Variants in SPACA1 observed in about 807,000 individuals in gnomAD.
SPACA1 encodes the protein sperm acrosome membrane-associated protein 1.
In SPACA1, 17 loss-of-function variants were observed where a neutral mutation model predicts 32.6. The observed-to-expected ratio is 0.52, with a 90% CI of 0.36 to 0.78. SPACA1 has a LOEUF of 0.78. SPACA1 is among the 30% of genes least tolerant of loss of function. The probability of loss-of-function intolerance (pLI) is 0.01; values close to 1 mark genes in which losing one functional copy is unlikely to be tolerated. For synonymous variants in SPACA1, 140 were observed against 138.1 expected, an observed-to-expected ratio of 1.01 and a Z score of -0.10; for missense variants, 363 against 373.4, an observed-to-expected ratio of 0.97 and a Z score of 0.23.
rs141170883 is a variant in SPACA1 at position 88,058,736 on chromosome 6, A to G, written c.388A>G (p.Ser130Gly). Residue 130 changes from serine (S) to glycine (G), a missense_variant, in exon 4 of 7, where the codon AGT (serine) becomes GGT (glycine). Transcript: ENST00000237201. ...DCGWGKPISESLESVRLACIH... is the reference protein window; with the variant it reads ...DCGWGKPISEGLESVRLACIH... ...TTCAGGGGGTAAACCAATTTCAGAA[A>G]GTCTTGAAAGTGTTAGATTGGCATG... is the stretch of plus-strand genomic sequence containing the variant. 3.7e-6 allele frequency: 6 copies of G among 1,612,966 alleles called. No individual in the cohort carries two copies. Among genetic ancestry groups the G allele is most frequent in the Non-Finnish European group, 4.2e-6 (5 of 1,179,556 alleles).
intron 2 of SPACA1, 25 bp downstream of exon 2, chr6:88,054,027 A>G: frequency 6.2e-7 from 1 of 1,610,628 alleles, no homozygotes. Context: ...GCAGATGAAT[A>G]AACCATGTTG....
Position 88,059,470 on chromosome 6 carries a change from A to G in SPACA1, c.492A>G (p.Val164=). 6.2e-7 allele frequency: 1 copy of G among 1,611,436 alleles called. No homozygotes were observed. The highest frequency in any genetic ancestry group is 8.5e-7 in the Non-Finnish European group (1 of 1,178,810). ...TTAAATAGCAATCCATTATACTTGT[A>G]AATGATTCAGCAATCCTAGAAGTAC... The part of the protein sequence containing the change: ...LRQDQQSIIL[V]NDSAILEVRK... The change falls in exon 5 of 7, where the codon GTA becomes GTG. Residue 164 remains valine (V), a synonymous_variant. Transcript: ENST00000237201.
intron 6 of SPACA1, among the ~76,000 whole-genome samples, chr6:88,065,386 G>A (rs1037520980): frequency 6.8e-6 from 1 of 146,640 alleles, no homozygotes; most frequent in Non-Finnish European, 1.5e-5. Context: ...TATACATATA[G>A]TACATATGAC....
chr6:88,061,724 G>A (rs1280123487), intron 5 of SPACA1, among the ~76,000 whole-genome samples: 1 of 131,164 alleles, frequency 7.6e-6, no homozygotes, highest in African/African-American at 2.8e-5. Flanking sequence ...CATTTCTGTT[G>A]TTTTCGTCAC....
At chr6:88,055,573 T>C (rs1266169721) in intron 2 of SPACA1, among the ~76,000 whole-genome samples, 1 of 152,252 alleles carries the variant, frequency 6.6e-6, no homozygotes, top group Non-Finnish European at 1.5e-5. Flanking sequence ...AAAGTTTTCT[T>C]TTATATCCAG....
intron 3 of SPACA1, 77 bp from the exon 4 acceptor site, chr6:88,058,639 A>T: frequency 1.0e-6 from 1 of 993,878 alleles, no homozygotes; most frequent in Non-Finnish European, 1.5e-6. Context: ...ATCCTGTCTC[A>T]GGAAAAAAAA....
At position 88,054,018 on chromosome 6, in the gene SPACA1, C is replaced by T; in HGVS notation, c.265+16C>T. 1 of 1,611,434 alleles carries T rather than the reference C, an allele frequency of 6.2e-7. No homozygotes were observed. Among genetic ancestry groups the T allele is most frequent in the Admixed American group, 1.7e-5 (1 of 59,938 alleles). On this transcript the variant is annotated intron_variant, in intron 2 of 6. Coordinates refer to ENST00000237201, the MANE Select transcript of SPACA1 (RefSeq NM_030960.3). ...GTTACATGTGGTAAGTAGCTTGGAG[C>T]AGATGAATAAACCATGTTGTAATTT...
rs1431706632 is a variant in SPACA1, at chr6:88,047,862, CGCG to C, written c.-37_-35del. 6.7e-7 allele frequency: 1 copy of C among 1,482,034 alleles called. No individual in the cohort carries two copies. Among genetic ancestry groups the C allele is most frequent in the Admixed American group, 2.3e-5 (1 of 43,496 alleles). The allele number at this position is 1,482,034 out of a possible 1,614,324, so 91.8% of individuals were successfully genotyped here. ...CTTCGACGTACCTGTCCTCAGGAGCCGCGGCGGCGACTGCGCCTCGGACGGCCG... is the reference window on the plus strand; with the variant it reads ...CTTCGACGTACCTGTCCTCAGGAGCCGCGGCGACTGCGCCTCGGACGGCCG... On this transcript the variant is annotated 5_prime_UTR_variant, in exon 1 of 7. Coordinates refer to ENST00000237201, the MANE Select transcript of SPACA1 (RefSeq NM_030960.3).
chr6:88,058,597 C>A, intron 3 of SPACA1, 119 bp from the exon 4 acceptor site: 1 of 646,598 alleles, frequency 1.5e-6, no homozygotes, highest in Non-Finnish European at 2.6e-6. Flanking sequence ...CAAGATCATG[C>A]CACTCTACTC....
At chr6:88,063,663 T>C (rs1425724535) in intron 5 of SPACA1, among the ~76,000 whole-genome samples, 1 of 152,174 alleles carries the variant, frequency 6.6e-6, no homozygotes, top group Non-Finnish European at 1.5e-5. Flanking sequence ...ACTAAGCAAA[T>C]GTACATTTAA....
intron 5 of SPACA1, among the ~76,000 whole-genome samples, chr6:88,060,217 A>G (rs947419757): frequency 1.3e-5 from 2 of 152,208 alleles, no homozygotes; most frequent in African/African-American, 4.8e-5. Context: ...ATTCAGTTTA[A>G]TCTATGATGG....
chr6:88,057,761 C>G (rs1364599004), intron 3 of SPACA1, 48 bp downstream of exon 3: 1 of 1,531,818 alleles, frequency 6.5e-7, no homozygotes, highest in Admixed American at 1.7e-5. Context: ...AGAGTTTACT[C>G]TGGGGAAATA....
At chr6:88,059,778 C>T (rs1236941878) in intron 5 of SPACA1, among the ~76,000 whole-genome samples, 190 bp downstream of exon 5, 1 of 152,212 alleles carries the variant, frequency 6.6e-6, no homozygotes, top group Non-Finnish European at 1.5e-5. Context: ...GGTCCAGAGA[C>T]CACACTTTGA....
intron 4 of SPACA1, among the ~76,000 whole-genome samples, chr6:88,059,235 CAAGT>C (rs1775854776): frequency 5.3e-5 from 8 of 152,162 alleles, no homozygotes. Context: ...CCCATTTTTA[CAAGT>C]AAGTAACTAA....
intron 6 of SPACA1, 188 bp downstream of exon 6, chr6:88,064,407 T>A (rs1393219240): frequency 7.8e-6 from 3 of 384,898 alleles, no homozygotes; most frequent in Non-Finnish European, 1.4e-5. Flanking sequence ...AGATGCTTTT[T>A]AAAACAATCT....
chr6:88,060,533 T>G (rs981637827), intron 5 of SPACA1, among the ~76,000 whole-genome samples: 10 of 152,238 alleles, frequency 6.6e-5, no homozygotes, highest in African/African-American at 2.2e-4. Flanking sequence ...TAAAATATTT[T>G]AGGGTGATTT....
chr6:88,047,911 C>T lies in SPACA1; in HGVS notation c.6C>T (p.Ser2=), dbSNP rs1222741055. 5 of 1,553,082 alleles carry T rather than the reference C, an allele frequency of 3.2e-6. No homozygotes were observed. In the African/African-American group the frequency reaches 4.1e-5, roughly 13 times the overall value. Reference sequence around the variant, plus strand: ...GGCCGTCGGGGCCGAGAACCATGAGCCCCAGGGGCACGGGCTGCTCCGCCG... The same window carrying T: ...GGCCGTCGGGGCCGAGAACCATGAGTCCCAGGGGCACGGGCTGCTCCGCCG... M[S]PRGTGCSAGL... The change falls in exon 1 of 7, where the codon AGC becomes AGT. Residue 2 remains serine (S), a synonymous_variant. Transcript: ENST00000237201.
Position 88,054,010 on chromosome 6 carries a change from G to A in SPACA1, c.265+8G>A, listed in dbSNP as rs775278647. 1 of 1,612,914 alleles carries A rather than the reference G, an allele frequency of 6.2e-7. No homozygotes were observed. Among genetic ancestry groups the A allele is most frequent in the East Asian group, 2.2e-5 (1 of 44,818 alleles). Reference sequence around the variant, plus strand: ...TGTGCACCGTTACATGTGGTAAGTAGCTTGGAGCAGATGAATAAACCATGT... The same window carrying A: ...TGTGCACCGTTACATGTGGTAAGTAACTTGGAGCAGATGAATAAACCATGT... On this transcript the variant is annotated splice_region_variant and intron_variant, in intron 2 of 6. Transcript: ENST00000237201.
chr6:88,065,698 AC>A (rs759740565), intron 6 of SPACA1, among the ~76,000 whole-genome samples: 3 of 149,868 alleles, frequency 2.0e-5, no homozygotes, highest in Middle Eastern at 3.2e-3. Flanking sequence ...TATGTCCCAG[AC>A]CCCCCACCCC....
Sources: gnomAD v4.1 joint callset for allele counts (sites outside exome capture counted in the v4.1 genomes callset) on GRCh38, gnomAD v4.1.1 for gene constraint, MANE v1.5 for transcripts, NCBI Gene and HGNC (gene_info 2026-07-23, HGNC 2026-07-21) for gene names.